NPTN: variants seen among roughly 807,000 people sequenced by gnomAD.
The protein encoded by NPTN is SDR-1.
Under a neutral mutation model 42.7 loss-of-function variants are expected in NPTN, and 5 were observed. The ratio of observed to expected loss-of-function variants is 0.12; its 90% CI spans 0.06 to 0.25. The LOEUF is 0.25. NPTN is among the 10% of genes least tolerant of loss of function. The pLI, the probability that NPTN is intolerant of heterozygous loss-of-function variation, is 1.00. For synonymous variants in NPTN, 180 were observed against 201.9 expected, an observed-to-expected ratio of 0.89 and a Z score of 0.92; for missense variants, 307 against 525.4, an observed-to-expected ratio of 0.58 and a Z score of 4.06.
At chr15:73,594,450 G>A (rs1436338377) in intron 2 of NPTN, among the ~76,000 whole-genome samples, 1 of 152,216 alleles carries the variant, frequency 6.6e-6, no homozygotes, top group Non-Finnish European at 1.5e-5. Context: ...GTCACTGGGA[G>A]CAAGTGGATA....
intron 1 of NPTN, among the ~76,000 whole-genome samples, chr15:73,617,710 A>G (rs1347800050): frequency 1.3e-5 from 2 of 152,232 alleles, no homozygotes; most frequent in Non-Finnish European, 2.9e-5. Context: ...AGACACTACT[A>G]AAAACACATT....
intron 1 of NPTN, among the ~76,000 whole-genome samples, chr15:73,624,385 A>G (rs1898292233): frequency 6.6e-6 from 1 of 152,212 alleles, no homozygotes; most frequent in Non-Finnish European, 1.5e-5. Context: ...TTTGAGATTC[A>G]GCATTAATGA....
chr15:73,580,551 T>C (rs1358449051), intron 4 of NPTN, among the ~76,000 whole-genome samples: 5 of 142,348 alleles, frequency 3.5e-5, no homozygotes, highest in Non-Finnish European at 7.5e-5. Context: ...GTTATATATG[T>C]ATATATGTAT....
intron 1 of NPTN, among the ~76,000 whole-genome samples, chr15:73,602,833 C>T (rs191516913): frequency 6.6e-5 from 10 of 152,332 alleles, no homozygotes; most frequent in Admixed American, 5.2e-4. Flanking sequence ...GCTCCTTCCA[C>T]AGGTACCTTG....
chr15:73,560,271 AATT>A lies in NPTN; in HGVS notation c.*789_*791del, dbSNP rs1190559202. The A allele has an allele frequency of 6.0e-6, 1 of 166,372 alleles. No homozygotes were observed. Among genetic ancestry groups the A allele is most frequent in the Non-Finnish European group, 1.3e-5 (1 of 77,694 alleles). 10.3% of individuals were successfully genotyped at this position (166,372 alleles called of 1,614,324 possible). On this transcript the variant is annotated 3_prime_UTR_variant, in exon 9 of 9. Coordinates refer to ENST00000345330, the MANE Select transcript of NPTN (RefSeq NM_012428.4). ...TCAAGGTCATTGGAAACAAAAGAAA[AATT>A]ATAAAAGTTTGCCTTGATTGAATGA...
rs775199794 is a variant in NPTN, at chr15:73,570,204, C to A, written c.1060G>T (p.Val354Leu). Residue 354 changes from valine (V) to leucine (L), a missense_variant, in exon 6 of 9, where the codon GTG becomes TTG. Coordinates refer to ENST00000345330, the MANE Select transcript of NPTN (RefSeq NM_012428.4). The surrounding 1 kb of genome is among the most constrained non-coding windows in gnomAD (Gnocchi z 4.0). ...LGILAEIIIL[V>L]VIIVVYEKRK... is the part of the protein sequence containing the mutation. ...TTCTCATACACAACAATGATCACCACAAGGATGATAATTTCAGCCAGAATT... is the reference window on the plus strand; with the variant it reads ...TTCTCATACACAACAATGATCACCAAAAGGATGATAATTTCAGCCAGAATT... The A allele has an allele frequency of 1.9e-5, 30 of 1,613,980 alleles. No homozygotes were observed. The highest frequency in any genetic ancestry group is 2.5e-5 in the Non-Finnish European group (29 of 1,180,010).
intron 1 of NPTN, among the ~76,000 whole-genome samples, chr15:73,600,436 T>C (rs1207416076): frequency 6.6e-6 from 1 of 152,244 alleles, no homozygotes; most frequent in African/African-American, 2.4e-5. Flanking sequence ...TTATTCATTA[T>C]CATATTCAAA....
At chr15:73,623,885 C>T (rs1898262917) in intron 1 of NPTN, among the ~76,000 whole-genome samples, 1 of 152,210 alleles carries the variant, frequency 6.6e-6, no homozygotes, top group African/African-American at 2.4e-5. Flanking sequence ...GTGCAAATAA[C>T]TCTATTCTTC....
At position 73,600,951 on chromosome 15, in the gene NPTN, G is replaced by A. The variant is rs114359393; in HGVS notation, c.92-3582C>T. 5.8e-3 allele frequency among the ~76,000 whole-genome samples: 884 copies of A among 152,276 alleles called. 5 individuals are homozygous for A. Among genetic ancestry groups the A allele is most frequent in the African/African-American group, 0.02 (842 of 41,534 alleles). On this transcript the variant is annotated intron_variant, in intron 1 of 8. Coordinates refer to ENST00000345330, the MANE Select transcript of NPTN (RefSeq NM_012428.4). Reference sequence around the variant, plus strand: ...TCTGGAGAAGGCTGGCTTCAGAGAAGGAAGGAATTTACAAGACACTGGAAA... The same window carrying A: ...TCTGGAGAAGGCTGGCTTCAGAGAAAGAAGGAATTTACAAGACACTGGAAA...
At chr15:73,607,588 CTCT>C (rs1310934445) in intron 1 of NPTN, among the ~76,000 whole-genome samples, 1 of 152,178 alleles carries the variant, frequency 6.6e-6, no homozygotes, top group East Asian at 1.9e-4. Flanking sequence ...GAGTCAAAAA[CTCT>C]GACCAGAGGG....
intron 1 of NPTN, among the ~76,000 whole-genome samples, chr15:73,617,842 T>C (rs1897935752): frequency 1.3e-5 from 2 of 152,234 alleles, no homozygotes; most frequent in Admixed American, 6.5e-5. Context: ...TATAACCTAA[T>C]GTTCCTACAG....
intron 1 of NPTN, among the ~76,000 whole-genome samples, chr15:73,605,110 G>GA (rs1555410814): frequency 0.028 from 4,028 of 143,112 alleles, 251 homozygotes; most frequent in African/African-American, 0.07. Flanking sequence ...GGGGGGGGGG[G>GA]GAAAAGAATG....
chr15:73,626,245 C>A (rs1327153632), intron 1 of NPTN, among the ~76,000 whole-genome samples: 1 of 152,208 alleles, frequency 6.6e-6, no homozygotes, highest in Admixed American at 6.5e-5. Context: ...TTTATTCACA[C>A]TGGCAATTTT....
At position 73,560,427 on chromosome 15, in the gene NPTN, G is replaced by A. The variant is rs2141342574; in HGVS notation, c.*636C>T. On this transcript the variant is annotated 3_prime_UTR_variant, in exon 9 of 9. Transcript: ENST00000345330. ...TACTGCAATTCATTATACCCATTCA[G>A]TGGACTGTTCCAGCTTATTAAAGTC... 2 of 152,862 alleles carry A rather than the reference G, an allele frequency of 1.3e-5. No homozygotes were observed. The highest frequency in any genetic ancestry group is 4.1e-4 in the South Asian group (2 of 4,826). The allele number at this position is 152,862 out of a possible 1,614,324, so 9.5% of individuals were successfully genotyped here.
intron 1 of NPTN, among the ~76,000 whole-genome samples, chr15:73,620,191 G>C (rs1226394050): frequency 6.6e-6 from 1 of 152,176 alleles, no homozygotes; most frequent in East Asian, 1.9e-4. Context: ...TTAGCAAATG[G>C]TACTTGTTTA....
chr15:73,594,867 A>G (rs1043027637), intron 2 of NPTN, among the ~76,000 whole-genome samples: 1 of 151,998 alleles, frequency 6.6e-6, no homozygotes, highest in Non-Finnish European at 1.5e-5. Flanking sequence ...TCTTAGATAG[A>G]ACACCTGATG....
At chr15:73,581,377 C>A (rs971646825) in intron 4 of NPTN, among the ~76,000 whole-genome samples, 2 of 152,144 alleles carry the variant, frequency 1.3e-5, no homozygotes, top group Non-Finnish European at 2.9e-5. Flanking sequence ...TAGGGGGGCA[C>A]AGACTAAGTG....
At chr15:73,591,903 G>T in intron 3 of NPTN, 63 bp downstream of exon 3, 2 of 1,478,170 alleles carry the variant, frequency 1.4e-6, no homozygotes, top group South Asian at 1.3e-5. Context: ...TATGGATTAT[G>T]AATGTCAAGT....
intron 6 of NPTN, chr15:73,568,966 C>A: frequency 1.0e-6 from 1 of 985,554 alleles, no homozygotes; most frequent in Non-Finnish European, 1.2e-6. Context: ...GGGCCACATT[C>A]TTTCTGAGGG....
Sources: gnomAD v4.1 joint callset for allele counts (sites outside exome capture counted in the v4.1 genomes callset) on GRCh38, gnomAD v4.1.1 for gene constraint, Gnocchi (gnomAD v3.1) non-coding constraint, MANE v1.5 for transcripts, NCBI Gene and HGNC (gene_info 2026-07-23, HGNC 2026-07-21) for gene names.